The following SLC35F1 variants were observed in gnomAD, a reference collection of about 807,000 sequenced individuals.
The protein encoded by SLC35F1 is chromosome 6 open reading frame 169.
In SLC35F1, 14 loss-of-function variants were observed where a neutral mutation model predicts 48.7. The observed-to-expected ratio is 0.29, with a 90% CI of 0.19 to 0.45. The LOEUF (loss-of-function observed/expected upper bound fraction) is 0.45, where lower values mean the gene tolerates loss of function less well. Among genes scored for constraint, SLC35F1 ranks in the 20% least tolerant of loss-of-function variants. The pLI, the probability that SLC35F1 is intolerant of heterozygous loss-of-function variation, is 1.00. For missense variants in SLC35F1, 404 were observed against 500.0 expected (o/e 0.81, Z 1.83); for synonymous variants, 190 against 202.2 (o/e 0.94, Z 0.51).
chr6:118,058,948 T>A (rs1465651948), intron 1 of SLC35F1, among the ~76,000 whole-genome samples: 1 of 152,216 alleles, frequency 6.6e-6, no homozygotes, highest in Non-Finnish European at 1.5e-5. Context: ...TTAAAAATAT[T>A]CTCTGATAAT....
intron 1 of SLC35F1, among the ~76,000 whole-genome samples, chr6:118,029,339 T>C (rs1242126751): frequency 6.6e-6 from 1 of 152,044 alleles, no homozygotes; most frequent in Non-Finnish European, 1.5e-5. Flanking sequence ...GGTTGTAAAA[T>C]AGGTGAGTAC....
At chr6:117,936,557 C>T (rs1036487779) in intron 1 of SLC35F1, among the ~76,000 whole-genome samples, 1 of 152,152 alleles carries the variant, frequency 6.6e-6, no homozygotes, top group South Asian at 2.1e-4. Context: ...TTGTCAGTCT[C>T]GAAATCCATA....
chr6:118,061,679 C>T (rs893665927), intron 1 of SLC35F1, among the ~76,000 whole-genome samples: 7 of 151,766 alleles, frequency 4.6e-5, no homozygotes, highest in Non-Finnish European at 1.0e-4. Context: ...TTTAAACCAG[C>T]AGTCCCCAAC....
intron 1 of SLC35F1, among the ~76,000 whole-genome samples, chr6:117,945,124 G>T (rs1397158636): frequency 6.6e-6 from 1 of 152,170 alleles, no homozygotes; most frequent in Non-Finnish European, 1.5e-5. Context: ...GGCTGAGGAA[G>T]ATCCCTCTTG....
chr6:117,916,997 A>G (rs1252045388), intron 1 of SLC35F1, among the ~76,000 whole-genome samples: 1 of 152,216 alleles, frequency 6.6e-6, no homozygotes, highest in Non-Finnish European at 1.5e-5. Context: ...GGCAATAAAA[A>G]CATGAAAAAG....
intron 1 of SLC35F1, among the ~76,000 whole-genome samples, chr6:118,129,739 A>G (rs2114419296): frequency 6.6e-6 from 1 of 152,304 alleles, no homozygotes; most frequent in East Asian, 1.9e-4. Flanking sequence ...TTAATTTTTG[A>G]TGATAAATAT....
At chr6:118,027,308 G>C (rs940903883) in intron 1 of SLC35F1, among the ~76,000 whole-genome samples, 6 of 152,110 alleles carry the variant, frequency 3.9e-5, no homozygotes, top group Non-Finnish European at 7.4e-5. Flanking sequence ...TAAATACCTA[G>C]GAGTGTGATT....
chr6:118,139,947 A>G (rs1014105980), intron 1 of SLC35F1, among the ~76,000 whole-genome samples: 22 of 152,148 alleles, frequency 1.4e-4, no homozygotes, highest in African/African-American at 5.1e-4. Context: ...TTCGAGTTAT[A>G]GTGTTTATTT....
chr6:117,931,523 T>G (rs1397886307), intron 1 of SLC35F1, among the ~76,000 whole-genome samples: 1 of 152,238 alleles, frequency 6.6e-6, no homozygotes, highest in African/African-American at 2.4e-5. Context: ...GTTAATTCTC[T>G]TATAGTTCAG....
chr6:118,220,704 G>A (rs1223925765), intron 2 of SLC35F1, among the ~76,000 whole-genome samples: 2 of 152,196 alleles, frequency 1.3e-5, no homozygotes, highest in African/African-American at 4.8e-5. Flanking sequence ...CTGTGTAAGA[G>A]AATCAAGTTT....
intron 1 of SLC35F1, among the ~76,000 whole-genome samples, chr6:118,034,887 G>A (rs2114896251): frequency 6.6e-6 from 1 of 152,128 alleles, no homozygotes; most frequent in South Asian, 2.1e-4. Flanking sequence ...TTGATGTTGG[G>A]TTATACTGGC....
chr6:117,937,046 C>G (rs1290104627), intron 1 of SLC35F1, among the ~76,000 whole-genome samples: 1 of 152,188 alleles, frequency 6.6e-6, no homozygotes, highest in Non-Finnish European at 1.5e-5. Flanking sequence ...GGTTCATTAT[C>G]TCACTAAATT....
At chr6:118,076,263 A>T (rs192078759) in intron 1 of SLC35F1, among the ~76,000 whole-genome samples, 2 of 152,294 alleles carry the variant, frequency 1.3e-5, no homozygotes, top group Admixed American at 1.3e-4. Flanking sequence ...TAAATACTTA[A>T]TTTATTAAGA....
chr6:118,091,045 C>T (rs570833002), intron 1 of SLC35F1, among the ~76,000 whole-genome samples: 12 of 152,196 alleles, frequency 7.9e-5, no homozygotes, highest in African/African-American at 2.6e-4. Context: ...AAAAGATGTC[C>T]GGATGACACA....
chr6:117,987,545 T>A (rs1021595062), intron 1 of SLC35F1, among the ~76,000 whole-genome samples: 1 of 152,062 alleles, frequency 6.6e-6, no homozygotes, highest in Non-Finnish European at 1.5e-5. Flanking sequence ...TGCACAGACT[T>A]AGGGTTTTAC....
intron 6 of SLC35F1, among the ~76,000 whole-genome samples, chr6:118,282,607 T>C (rs11758375): frequency 0.38 from 58,356 of 152,112 alleles, 11,912 homozygotes; most frequent in Middle Eastern, 0.49. Flanking sequence ...TTTTGGATAA[T>C]GCATAAGCGT....
chr6:118,062,186 C>A lies in SLC35F1; in HGVS notation c.174-92259C>A, dbSNP rs1052901836. Among the ~76,000 whole-genome samples, 40 of 152,074 alleles carry A rather than the reference C, an allele frequency of 2.6e-4. 1 individual carries two copies. The highest frequency in any genetic ancestry group is 9.7e-4 in the African/African-American group (40 of 41,424). On this transcript the variant is annotated intron_variant, in intron 1 of 7. Transcript: ENST00000360388. ...TCATTCTGGGAAGGTGCCAAAACTT[C>A]AATTAGAATAAATTTAATGTTATAA...
intron 1 of SLC35F1, among the ~76,000 whole-genome samples, chr6:118,042,686 G>A (rs761206706): frequency 6.6e-6 from 1 of 152,080 alleles, no homozygotes; most frequent in Non-Finnish European, 1.5e-5. Flanking sequence ...GGATCATGTT[G>A]GTCTGTTGCA....
At chr6:117,924,229 A>G (rs1299267492) in intron 1 of SLC35F1, among the ~76,000 whole-genome samples, 14 of 49,180 alleles carry the variant, frequency 2.8e-4, no homozygotes, top group Non-Finnish European at 4.5e-4. Context: ...GTACACATGC[A>G]TATGTATATA....
Sources: allele counts gnomAD v4.1 joint callset (sites outside exome capture counted in the v4.1 genomes callset), GRCh38; gene constraint gnomAD v4.1.1; transcripts MANE v1.5; gene names NCBI Gene and HGNC (gene_info 2026-07-23, HGNC 2026-07-21).